Variants in RPAP2 observed in about 807,000 individuals in gnomAD.
The protein encoded by RPAP2 is RNA polymerase II associated protein 2.
A neutral mutation model predicts 73.1 loss-of-function variants in RPAP2; 52 were observed. That is an observed-to-expected ratio of 0.71 (90% CI 0.57 to 0.90). RPAP2 has a LOEUF of 0.90. Among genes scored for constraint, RPAP2 ranks in the 40% least tolerant of loss-of-function variants. The pLI, the probability that RPAP2 is intolerant of heterozygous loss-of-function variation, is 0.00. For synonymous variants in RPAP2, 225 were observed against 242.1 expected, an observed-to-expected ratio of 0.93 and a Z score of 0.65; for missense variants, 598 against 701.8, an observed-to-expected ratio of 0.85 and a Z score of 1.67.
rs1345836022 is a variant in RPAP2 at position 92,401,400 on chromosome 1, G to A, written c.*14389G>A. 1 of 152,050 alleles carries A rather than the reference G, an allele frequency of 6.6e-6. No individual in the cohort carries two copies. Among genetic ancestry groups the A allele is most frequent in the Admixed American group, 6.6e-5 (1 of 15,256 alleles). 9.4% of individuals were successfully genotyped at this position (152,050 alleles called of 1,614,324 possible). A position where few individuals can be genotyped will look rare whatever the true frequency, so the allele number is the denominator to read the frequency against. On this transcript the variant is annotated 3_prime_UTR_variant, in exon 13 of 13. Transcript: ENST00000610020. ...ATCTATGGAATAAGGACCATTTTTA[G>A]GACAATACTTTCCCTACTACTTAGT...
At chr1:92,302,589 A>ATTTTTTTTT (rs1557586485) in intron 3 of RPAP2, among the ~76,000 whole-genome samples, 1 of 92,268 alleles carries the variant, frequency 1.1e-5, no homozygotes, top group Non-Finnish European at 2.3e-5. Context: ...TTCCGCATTA[A>ATTTTTTTTT]ATTTTTTTTT....
intron 3 of RPAP2, among the ~76,000 whole-genome samples, chr1:92,303,774 CT>C (rs1003212005): frequency 6.6e-6 from 1 of 151,298 alleles, no homozygotes; most frequent in African/African-American, 2.4e-5. Flanking sequence ...TTAATAATAA[CT>C]TTTTTTTTGA....
chr1:92,341,936 C>T (rs1053880521), intron 10 of RPAP2, among the ~76,000 whole-genome samples: 1 of 152,248 alleles, frequency 6.6e-6, no homozygotes, highest in African/African-American at 2.4e-5. Flanking sequence ...AGCCAACACA[C>T]CTGGCCAGGA....
At chr1:92,357,560 C>CA (rs1305949887) in intron 11 of RPAP2, among the ~76,000 whole-genome samples, 3 of 152,176 alleles carry the variant, frequency 2.0e-5, no homozygotes, top group African/African-American at 7.2e-5. Flanking sequence ...TTTTCAGACA[C>CA]AGTCTCTGTT....
At chr1:92,346,293 G>T (rs1468102296) in intron 11 of RPAP2, among the ~76,000 whole-genome samples, 1 of 151,328 alleles carries the variant, frequency 6.6e-6, no homozygotes, top group African/African-American at 2.4e-5. Flanking sequence ...CCTCTCTAGT[G>T]GCTGGGACTA....
intron 11 of RPAP2, among the ~76,000 whole-genome samples, chr1:92,356,099 C>G (rs1654448648): frequency 6.6e-6 from 1 of 151,862 alleles, no homozygotes; most frequent in Non-Finnish European, 1.5e-5. Context: ...AACTGTGGGC[C>G]TTTTTTTCCT....
chr1:92,347,177 T>C (rs527396946), intron 11 of RPAP2, among the ~76,000 whole-genome samples: 10 of 152,198 alleles, frequency 6.6e-5, no homozygotes, highest in Non-Finnish European at 1.0e-4. Context: ...CTGATATAAA[T>C]TTTTTATCAA....
intron 7 of RPAP2, among the ~76,000 whole-genome samples, chr1:92,322,718 A>G (rs2101172962): frequency 6.6e-6 from 1 of 151,410 alleles, no homozygotes; most frequent in Non-Finnish European, 1.5e-5. Flanking sequence ...CTACTAAAAA[A>G]ATACAAAAAT....
chr1:92,309,062 C>T (rs1045913182), intron 6 of RPAP2, among the ~76,000 whole-genome samples: 4 of 152,190 alleles, frequency 2.6e-5, no homozygotes, highest in Admixed American at 6.5e-5. Flanking sequence ...TTTCCCAAAA[C>T]TTGAAGCCCT....
At chr1:92,304,375 CAATT>C in intron 5 of RPAP2, 26 bp downstream of exon 5, 2 of 1,379,426 alleles carry the variant, frequency 1.4e-6, no homozygotes, top group African/African-American at 1.5e-5. Context: ...TTCATTGTGG[CAATT>C]AATTTTTTTT....
intron 11 of RPAP2, among the ~76,000 whole-genome samples, chr1:92,376,672 A>C (rs1655398103): frequency 6.6e-6 from 1 of 152,224 alleles, no homozygotes; most frequent in Non-Finnish European, 1.5e-5. Flanking sequence ...GTAGTCCTCT[A>C]GTTCTCTAAA....
At position 92,388,810 on chromosome 1, in the gene RPAP2, G is replaced by C. The variant is rs1480187503; in HGVS notation, c.*1799G>C. 1.3e-5 allele frequency: 2 copies of C among 152,362 alleles called. No homozygotes were observed. Among genetic ancestry groups the C allele is most frequent in the African/African-American group, 4.8e-5 (2 of 41,462 alleles). The allele number at this position is 152,362 out of a possible 1,614,324, so 9.4% of individuals were successfully genotyped here. On this transcript the variant is annotated 3_prime_UTR_variant, in exon 13 of 13. Coordinates refer to ENST00000610020, the MANE Select transcript of RPAP2 (RefSeq NM_024813.3). ...AATCGACCTGGGACGTGGGAGCTTG[G>C]CGGGGTAGAGGTGTCCGCCATTGCT...
At chr1:92,311,076 T>C (rs1163732380) in intron 6 of RPAP2, among the ~76,000 whole-genome samples, 1 of 152,222 alleles carries the variant, frequency 6.6e-6, no homozygotes, top group African/African-American at 2.4e-5. Flanking sequence ...TTCTACTCTG[T>C]TGCTTTTTTA....
intron 11 of RPAP2, among the ~76,000 whole-genome samples, chr1:92,347,678 A>C (rs1653976019): frequency 6.6e-6 from 1 of 152,238 alleles, no homozygotes; most frequent in South Asian, 2.1e-4. Flanking sequence ...TTCTATACAA[A>C]AGTAAACCTC....
intron 6 of RPAP2, among the ~76,000 whole-genome samples, chr1:92,314,216 C>T (rs556150573): frequency 6.6e-6 from 1 of 152,192 alleles, no homozygotes; most frequent in Non-Finnish European, 1.5e-5. Flanking sequence ...ATGCCTTCCT[C>T]ACTAAGCTTA....
chr1:92,328,833 G>A (rs192972201), intron 8 of RPAP2, among the ~76,000 whole-genome samples: 45 of 152,204 alleles, frequency 3.0e-4, no homozygotes, highest in African/African-American at 1.0e-3. Flanking sequence ...GTCCCACAGG[G>A]TGCTCCCTTG....
chr1:92,316,455 G>GCA (rs566007127), intron 6 of RPAP2, among the ~76,000 whole-genome samples: 19 of 152,094 alleles, frequency 1.2e-4, no homozygotes, highest in Non-Finnish European at 2.1e-4. Context: ...TGATATATAT[G>GCA]CACATATATA....
intron 2 of RPAP2, 122 bp downstream of exon 2, chr1:92,300,361 G>T: frequency 5.5e-6 from 4 of 733,684 alleles, no homozygotes; most frequent in Admixed American, 2.4e-5. Flanking sequence ...AGAGGGAAGG[G>T]AAAGATCTGG....
At chr1:92,374,949 C>T (rs921163296) in intron 11 of RPAP2, among the ~76,000 whole-genome samples, 1 of 151,710 alleles carries the variant, frequency 6.6e-6, no homozygotes. Flanking sequence ...CCACCTGCTC[C>T]CCCAAAACCA....
Sources: gnomAD v4.1 joint callset for allele counts (sites outside exome capture counted in the v4.1 genomes callset) on GRCh38, gnomAD v4.1.1 for gene constraint, MANE v1.5 for transcripts, NCBI Gene and HGNC (gene_info 2026-07-23, HGNC 2026-07-21) for gene names.